The following RALGPS2 variants were observed in gnomAD, a reference collection of about 807,000 sequenced individuals.
The protein encoded by RALGPS2 is ras-specific guanine nucleotide-releasing factor RalGPS2.
Under a neutral mutation model 86.8 loss-of-function variants are expected in RALGPS2, and 43 were observed. That is an observed-to-expected ratio of 0.50 (90% CI 0.39 to 0.64). The LOEUF is 0.64. Among genes scored for constraint, RALGPS2 ranks in the 30% least tolerant of loss-of-function variants. The probability of loss-of-function intolerance (pLI) is 0.00; values close to 1 mark genes in which losing one functional copy is unlikely to be tolerated. For synonymous variants in RALGPS2, 243 were observed against 231.3 expected (o/e 1.05, Z -0.46); for missense variants, 536 against 694.6 (o/e 0.77, Z 2.57).
At chr1:178,732,553 C>A (rs1650429222) in intron 1 of RALGPS2, among the ~76,000 whole-genome samples, 1 of 152,108 alleles carries the variant, frequency 6.6e-6, no homozygotes, top group South Asian at 2.1e-4. Flanking sequence ...CCCATCTTGG[C>A]CTCCCAAAGT....
intron 8 of RALGPS2, chr1:178,852,816 G>A (rs377271356): frequency 2.8e-5 from 45 of 1,613,788 alleles, no homozygotes; most frequent in Non-Finnish European, 3.6e-5. Context: ...CCAGACGAAA[G>A]CTGCTGTATT....
At chr1:178,753,131 A>G (rs541516118) in intron 1 of RALGPS2, among the ~76,000 whole-genome samples, 1 of 152,212 alleles carries the variant, frequency 6.6e-6, no homozygotes, top group South Asian at 2.1e-4. Flanking sequence ...CATACTGGTT[A>G]TGTGGACTTG....
At chr1:178,836,333 G>T (rs1437525911) in intron 8 of RALGPS2, among the ~76,000 whole-genome samples, 1 of 152,118 alleles carries the variant, frequency 6.6e-6, no homozygotes, top group Non-Finnish European at 1.5e-5. Context: ...TACAAGCATT[G>T]TTTTTCTCGT....
intron 18 of RALGPS2, among the ~76,000 whole-genome samples, chr1:178,904,667 G>C (rs1660318093): frequency 6.6e-6 from 1 of 151,842 alleles, no homozygotes; most frequent in African/African-American, 2.4e-5. Flanking sequence ...CTGTATTTGG[G>C]TTTACTTCAG....
chr1:178,836,888 C>T (rs1329761378), intron 8 of RALGPS2, among the ~76,000 whole-genome samples: 1 of 152,144 alleles, frequency 6.6e-6, no homozygotes, highest in Non-Finnish European at 1.5e-5. Context: ...AAGCGATCCT[C>T]CCACCTTAGC....
At chr1:178,785,474 T>C in intron 3 of RALGPS2, 83 bp from the exon 4 acceptor site, 2 of 1,391,204 alleles carry the variant, frequency 1.4e-6, no homozygotes, top group Non-Finnish European at 1.9e-6. Flanking sequence ...AATATTTTAG[T>C]ATAGAATATA....
chr1:178,825,430 G>A (rs77221055), intron 7 of RALGPS2, among the ~76,000 whole-genome samples: 2,196 of 152,204 alleles, frequency 0.014, 57 homozygotes, highest in African/African-American at 0.048. Context: ...GAATGAGAAA[G>A]GGAGTGCAAG....
At chr1:178,865,090 A>G (rs1243768985) in intron 8 of RALGPS2, 2 of 1,558,880 alleles carry the variant, frequency 1.3e-6, no homozygotes, top group East Asian at 4.5e-5. Context: ...GACCAGGAGT[A>G]TACTGTTGGC....
intron 13 of RALGPS2, among the ~76,000 whole-genome samples, chr1:178,888,233 A>T (rs1659571303): frequency 6.6e-6 from 1 of 152,196 alleles, no homozygotes; most frequent in African/African-American, 2.4e-5. Flanking sequence ...CATTACACAT[A>T]GGCATTTACC....
At chr1:178,728,189 G>A (rs1650134419) in intron 1 of RALGPS2, among the ~76,000 whole-genome samples, 1 of 152,096 alleles carries the variant, frequency 6.6e-6, no homozygotes, top group African/African-American at 2.4e-5. Context: ...TTATTTATAA[G>A]GGAATCTAAA....
Position 178,785,626 on chromosome 1 carries a change from G to A in RALGPS2, c.213+19G>A. On this transcript the variant is annotated intron_variant, in intron 4 of 19. Coordinates refer to ENST00000367635, the MANE Select transcript of RALGPS2 (RefSeq NM_152663.5). ...ACCAGATGTAAGTAGTTTTGAGAAT[G>A]TTCCTTTTAAATATAGAAAACGATC... The A allele has an allele frequency of 6.4e-7, 1 of 1,558,294 alleles. No homozygotes were observed. The highest frequency in any genetic ancestry group is 8.7e-7 in the Non-Finnish European group (1 of 1,154,874).
At chr1:178,865,494 G>A (rs756318112) in intron 8 of RALGPS2, 1 of 1,613,852 alleles carries the variant, frequency 6.2e-7, no homozygotes, top group African/African-American at 1.3e-5. Context: ...TCCCGCTTCT[G>A]CCTGGAGAGC....
At chr1:178,883,944 G>A (rs995665218) in intron 11 of RALGPS2, among the ~76,000 whole-genome samples, 13 of 151,948 alleles carry the variant, frequency 8.6e-5, no homozygotes, top group African/African-American at 1.5e-4. Context: ...AGCCGAGATC[G>A]TGCCACTGCA....
At chr1:178,888,383 G>A (rs72707226) in intron 13 of RALGPS2, among the ~76,000 whole-genome samples, 3,250 of 152,158 alleles carry the variant, frequency 0.021, 61 homozygotes, top group Non-Finnish European at 0.035. Flanking sequence ...CTACAGTGAA[G>A]GCTTTGAAAA....
chr1:178,791,754 G>A (rs1653966778), intron 4 of RALGPS2, among the ~76,000 whole-genome samples: 4 of 152,214 alleles, frequency 2.6e-5, no homozygotes, highest in African/African-American at 7.2e-5. Context: ...TTAGCTAAAC[G>A]TGTTCTACCT....
intron 8 of RALGPS2, among the ~76,000 whole-genome samples, chr1:178,866,901 C>A (rs1456809253): frequency 6.6e-6 from 1 of 152,086 alleles, no homozygotes; most frequent in Non-Finnish European, 1.5e-5. Context: ...AGACTTTTTC[C>A]TTTCTCTCTA....
chr1:178,774,489 T>C (rs1017172486), intron 1 of RALGPS2, among the ~76,000 whole-genome samples: 2 of 152,230 alleles, frequency 1.3e-5, no homozygotes, highest in African/African-American at 4.8e-5. Flanking sequence ...TAAATTCATG[T>C]TATACTTAAT....
chr1:178,851,452 A>G (rs1022408714), intron 8 of RALGPS2: 1 of 732,834 alleles, frequency 1.4e-6, no homozygotes, highest in Non-Finnish European at 2.0e-6. Context: ...GCAGTTTTAA[A>G]TGCCTTCACT....
At chr1:178,865,288 T>C in intron 8 of RALGPS2, 1 of 1,614,100 alleles carries the variant, frequency 6.2e-7, no homozygotes, top group Non-Finnish European at 8.5e-7. Context: ...TCAACATTTC[T>C]GTGGTGACAT....
Sources: gnomAD v4.1 joint callset for allele counts (sites outside exome capture counted in the v4.1 genomes callset) on GRCh38, gnomAD v4.1.1 for gene constraint, MANE v1.5 for transcripts, NCBI Gene and HGNC (gene_info 2026-07-23, HGNC 2026-07-21) for gene names.